The following NOS1 variants were observed in gnomAD, a reference collection of about 807,000 sequenced individuals.
The protein encoded by NOS1 is nitric oxide synthase 1.
In NOS1, 51 loss-of-function variants were observed where a neutral mutation model predicts 164.5. The observed-to-expected ratio is 0.31, with a 90% CI of 0.25 to 0.39. The LOEUF is 0.39. Among genes scored for constraint, NOS1 ranks in the 10% least tolerant of loss-of-function variants. The pLI, the probability that NOS1 is intolerant of heterozygous loss-of-function variation, is 1.00. For missense variants in NOS1, 1,362 were observed against 1,885.6 expected (o/e 0.72, Z 5.14); for synonymous variants, 719 against 745.8 (o/e 0.96, Z 0.59).
At chr12:117,286,402 C>T in intron 5 of NOS1, 136 bp from the exon 6 acceptor site, 2 of 892,186 alleles carry the variant, frequency 2.2e-6, no homozygotes, top group Non-Finnish European at 1.7e-6. Flanking sequence ...AGTTTGATTT[C>T]TGGATGCAAG....
intron 16 of NOS1, among the ~76,000 whole-genome samples, chr12:117,255,217 C>T (rs1019884420): frequency 3.9e-5 from 6 of 152,020 alleles, no homozygotes; most frequent in Non-Finnish European, 5.9e-5. Context: ...CCAATTTCTC[C>T]GTTTTCCTCC....
chr12:117,336,799 TTC>T (rs1875841994), intron 1 of NOS1, among the ~76,000 whole-genome samples: 1 of 152,212 alleles, frequency 6.6e-6, no homozygotes, highest in South Asian at 2.1e-4. Flanking sequence ...CTTTTCACTC[TTC>T]TTTCTTTTTT....
chr12:117,315,678 G>T (rs1874638215), intron 2 of NOS1, among the ~76,000 whole-genome samples: 2 of 152,222 alleles, frequency 1.3e-5, no homozygotes, highest in Admixed American at 6.5e-5. Flanking sequence ...AGTGTAGCAT[G>T]CTGGTTAAGG....
intron 22 of NOS1, among the ~76,000 whole-genome samples, chr12:117,230,042 C>G (rs1453166776): frequency 6.6e-6 from 1 of 152,244 alleles, no homozygotes; most frequent in African/African-American, 2.4e-5. Flanking sequence ...ACCTTAGCCT[C>G]CTGAGGAGCT....
intron 2 of NOS1, 59 bp from the exon 3 acceptor site, chr12:117,311,651 T>A (rs1874440647): frequency 1.3e-6 from 2 of 1,558,842 alleles, no homozygotes; most frequent in Non-Finnish European, 1.7e-6. Flanking sequence ...TGCTGGTTGC[T>A]TTGACCTGGA....
At chr12:117,289,712 A>G (rs1872923103) in intron 4 of NOS1, among the ~76,000 whole-genome samples, 1 of 152,118 alleles carries the variant, frequency 6.6e-6, no homozygotes, top group Non-Finnish European at 1.5e-5. Flanking sequence ...AGGGTGGTAG[A>G]GCTTATCACA....
intron 14 of NOS1, among the ~76,000 whole-genome samples, chr12:117,259,654 T>C (rs41486744): frequency 1.8e-4 from 27 of 152,310 alleles, no homozygotes; most frequent in African/African-American, 6.0e-4. Context: ...CTGAGCAACA[T>C]TTCTCAAAAT....
chr12:117,358,543 T>C (rs1368553439), intron 1 of NOS1, among the ~76,000 whole-genome samples: 1 of 152,250 alleles, frequency 6.6e-6, no homozygotes, highest in Non-Finnish European at 1.5e-5. Flanking sequence ...ATCACCAGTC[T>C]TGGCATACCA....
chr12:117,303,361 T>C (rs1873951265), intron 3 of NOS1, among the ~76,000 whole-genome samples: 1 of 152,070 alleles, frequency 6.6e-6, no homozygotes, highest in East Asian at 1.9e-4. Context: ...TACCTGGAAA[T>C]AGGGAAAATC....
chr12:117,254,231 C>G (rs1432721785), intron 16 of NOS1, among the ~76,000 whole-genome samples: 1 of 152,206 alleles, frequency 6.6e-6, no homozygotes, highest in East Asian at 1.9e-4. Flanking sequence ...CTTCAGCCTC[C>G]CAAGTAGCTG....
Position 117,209,815 on chromosome 12 carries a change from A to G in NOS1, c.*5494T>C. 1.0e-6 allele frequency: 1 copy of G among 985,498 alleles called. No homozygotes were observed. Among genetic ancestry groups the G allele is most frequent in the Non-Finnish European group, 1.2e-6 (1 of 829,978 alleles). 61.0% of individuals were successfully genotyped at this position (985,498 alleles called of 1,614,324 possible). On this transcript the variant is annotated 3_prime_UTR_variant, in exon 29 of 29. Coordinates refer to ENST00000317775, the MANE Select transcript of NOS1 (RefSeq NM_000620.5). ...CAAGGCAGGGACTGGCAGTGGGCCAAGGATAGGGAGTGTGAGATAAAGGGC... is the reference window on the plus strand; with the variant it reads ...CAAGGCAGGGACTGGCAGTGGGCCAGGGATAGGGAGTGTGAGATAAAGGGC...
rs527306970 is a variant in NOS1, at chr12:117,214,004, G to A, written c.*1305C>T. 8 of 985,290 alleles carry A rather than the reference G, an allele frequency of 8.1e-6. No individual in the cohort carries two copies. In the East Asian group the frequency reaches 8.0e-4, roughly 98 times the overall value. The allele number at this position is 985,290 out of a possible 1,614,324, so 61.0% of individuals were successfully genotyped here. A position where few individuals can be genotyped will look rare whatever the true frequency, so the allele number is the denominator to read the frequency against. On this transcript the variant is annotated 3_prime_UTR_variant, in exon 29 of 29. Coordinates refer to ENST00000317775, the MANE Select transcript of NOS1 (RefSeq NM_000620.5). Reference sequence around the variant, plus strand: ...CTTATTTGTCAAAATTAATTTAACAGGTTTAAAACTTTGGAGATCAACTGC... The same window carrying A: ...CTTATTTGTCAAAATTAATTTAACAAGTTTAAAACTTTGGAGATCAACTGC...
intron 3 of NOS1, among the ~76,000 whole-genome samples, chr12:117,299,696 CT>C (rs1873686030): frequency 1.3e-5 from 2 of 151,088 alleles, no homozygotes; most frequent in African/African-American, 4.9e-5. Flanking sequence ...CTCTCTCTCT[CT>C]CTCTCTTCTG....
intron 1 of NOS1, among the ~76,000 whole-genome samples, chr12:117,350,083 T>C (rs1022155213): frequency 2.2e-4 from 34 of 152,122 alleles, no homozygotes; most frequent in African/African-American, 8.0e-4. Flanking sequence ...CTTCAGAGTT[T>C]TTTTCTACAG....
chr12:117,283,051 T>TAG (rs1873805243), intron 7 of NOS1, among the ~76,000 whole-genome samples: 1 of 64,688 alleles, frequency 1.5e-5, no homozygotes, highest in Admixed American at 2.0e-4. Flanking sequence ...TATATATATA[T>TAG]ATATATTTTT....
chr12:117,211,593 C>A lies in NOS1; in HGVS notation c.*3716G>T. On this transcript the variant is annotated 3_prime_UTR_variant, in exon 29 of 29. Coordinates refer to ENST00000317775, the MANE Select transcript of NOS1 (RefSeq NM_000620.5). ...GTCCCAGCCCACCTTTTCTCACCCTCCTCAGCCTTCCAAAGCCAGCCTCAA... is the reference window on the plus strand; with the variant it reads ...GTCCCAGCCCACCTTTTCTCACCCTACTCAGCCTTCCAAAGCCAGCCTCAA... 2 of 985,690 alleles carry A rather than the reference C, an allele frequency of 2.0e-6. No individual in the cohort carries two copies. Among genetic ancestry groups the A allele is most frequent in the Non-Finnish European group, 2.4e-6 (2 of 830,072 alleles). 61.1% of individuals were successfully genotyped at this position (985,690 alleles called of 1,614,324 possible). A position where few individuals can be genotyped will look rare whatever the true frequency, so the allele number is the denominator to read the frequency against.
chr12:117,350,841 C>G, intron 1 of NOS1, among the ~76,000 whole-genome samples: 1 of 152,156 alleles, frequency 6.6e-6, no homozygotes, highest in East Asian at 1.9e-4. Flanking sequence ...TGGCCGGGTG[C>G]GGTGGCTCAA....
At chr12:117,318,630 C>T (rs1874772214) in intron 2 of NOS1, among the ~76,000 whole-genome samples, 1 of 152,190 alleles carries the variant, frequency 6.6e-6, no homozygotes, top group African/African-American at 2.4e-5. Flanking sequence ...AAAAGGGGTC[C>T]TGGGCTTGAT....
intron 12 of NOS1, among the ~76,000 whole-genome samples, chr12:117,264,512 CCCTT>C (rs1263503907): frequency 1.4e-5 from 2 of 147,974 alleles, no homozygotes; most frequent in African/African-American, 2.5e-5. Context: ...CTCTCTCTCT[CCCTT>C]CCTTCCTTTC....
Sources: gnomAD v4.1 joint callset for allele counts (sites outside exome capture counted in the v4.1 genomes callset) on GRCh38, gnomAD v4.1.1 for gene constraint, MANE v1.5 for transcripts, NCBI Gene and HGNC (gene_info 2026-07-23, HGNC 2026-07-21) for gene names.